LPP: variants seen among roughly 807,000 people sequenced by gnomAD.
LPP encodes lipoma-preferred partner.
LPP carries 38 observed loss-of-function variants against 60.4 expected under a neutral mutation model. The ratio of observed to expected loss-of-function variants is 0.63; its 90% CI spans 0.49 to 0.83. The LOEUF (loss-of-function observed/expected upper bound fraction) is 0.83. LPP is among the 40% of genes least tolerant of loss of function. The probability of loss-of-function intolerance (pLI) is 0.00; values close to 1 mark genes in which losing one functional copy is unlikely to be tolerated. For missense variants in LPP, 902 were observed against 783.6 expected (o/e 1.15, Z -1.80); for synonymous variants, 328 against 290.8 (o/e 1.13, Z -1.30).
chr3:188,812,660 T>C (rs1360140113), intron 9 of LPP, among the ~76,000 whole-genome samples: 2 of 152,164 alleles, frequency 1.3e-5, no homozygotes, highest in African/African-American at 4.8e-5. Flanking sequence ...TTTGTAGATG[T>C]AATTATTAAA....
At chr3:188,565,334 G>T (rs1182122809) in intron 6 of LPP, among the ~76,000 whole-genome samples, 1 of 151,938 alleles carries the variant, frequency 6.6e-6, no homozygotes, top group Non-Finnish European at 1.5e-5. Context: ...AAATATCTGA[G>T]GCTGGGACTT....
chr3:188,225,875 A>G (rs939260282), intron 2 of LPP, among the ~76,000 whole-genome samples: 1 of 152,250 alleles, frequency 6.6e-6, no homozygotes, highest in Non-Finnish European at 1.5e-5. Flanking sequence ...GAAAGTGTTC[A>G]TGAAATGGAA....
chr3:188,602,553 C>T (rs1369011746), intron 6 of LPP, among the ~76,000 whole-genome samples: 1 of 151,796 alleles, frequency 6.6e-6, no homozygotes, highest in East Asian at 1.9e-4. Flanking sequence ...AATAATGAGA[C>T]CAAGCTCTTC....
intron 1 of LPP, among the ~76,000 whole-genome samples, chr3:188,166,211 TC>T (rs1229588621): frequency 2.0e-5 from 3 of 152,054 alleles, no homozygotes; most frequent in African/African-American, 7.3e-5. Context: ...TAAATTTAAT[TC>T]CTGGGAAAAG....
chr3:188,389,808 CAAAAAAAAAAAGAA>C (rs1380901750), intron 3 of LPP, among the ~76,000 whole-genome samples: 1 of 132,080 alleles, frequency 7.6e-6, no homozygotes, highest in Admixed American at 7.8e-5. Context: ...GACTCCGTCT[CAAAAAAAAAAAGAA>C]AAGAAAAAAA....
chr3:188,757,956 T>C (rs1730939478), intron 8 of LPP, among the ~76,000 whole-genome samples: 1 of 150,938 alleles, frequency 6.6e-6, no homozygotes, highest in Non-Finnish European at 1.5e-5. Context: ...TTTGTTACTG[T>C]TGGCAGGAAA....
intron 3 of LPP, among the ~76,000 whole-genome samples, chr3:188,385,430 C>T (rs577128054): frequency 4.6e-5 from 7 of 152,082 alleles, no homozygotes; most frequent in African/African-American, 7.2e-5. Flanking sequence ...GGTGGATGGG[C>T]CCTGAGGGTT....
intron 7 of LPP, among the ~76,000 whole-genome samples, chr3:188,668,588 G>C (rs978856879): frequency 6.6e-6 from 1 of 152,108 alleles, no homozygotes; most frequent in Non-Finnish European, 1.5e-5. Context: ...AGGTATTTGA[G>C]CAGAAGAGGC....
intron 1 of LPP, among the ~76,000 whole-genome samples, chr3:188,181,025 T>G (rs567597750): frequency 6.6e-6 from 1 of 152,080 alleles, no homozygotes; most frequent in Non-Finnish European, 1.5e-5. Context: ...GAGAACATGT[T>G]GTCTCTGGAG....
intron 9 of LPP, among the ~76,000 whole-genome samples, chr3:188,766,481 CTAAT>C (rs1468813764): frequency 6.6e-6 from 1 of 151,800 alleles, no homozygotes; most frequent in Non-Finnish European, 1.5e-5. Context: ...ATATTACCCT[CTAAT>C]TAATGATCCT....
intron 3 of LPP, among the ~76,000 whole-genome samples, chr3:188,362,045 A>C (rs946514663): frequency 6.6e-6 from 1 of 152,192 alleles, no homozygotes; most frequent in African/African-American, 2.4e-5. Flanking sequence ...CGAAATGTAC[A>C]GTGCGACAAA....
chr3:188,292,453 G>C (rs1222564261), intron 2 of LPP, among the ~76,000 whole-genome samples: 1 of 152,218 alleles, frequency 6.6e-6, no homozygotes, highest in Admixed American at 6.5e-5. Context: ...TCTGATTGCA[G>C]AGTGCCTTTA....
chr3:188,757,841 G>A (rs142941128), intron 8 of LPP, among the ~76,000 whole-genome samples: 2 of 145,270 alleles, frequency 1.4e-5, no homozygotes, highest in East Asian at 2.0e-4. Context: ...TAGAATTTAA[G>A]CATGATTTTC....
chr3:188,374,009 G>A (rs545115018), intron 3 of LPP, among the ~76,000 whole-genome samples: 4 of 152,314 alleles, frequency 2.6e-5, no homozygotes, highest in Non-Finnish European at 4.4e-5. Flanking sequence ...TCAAAGATCA[G>A]ATAGTTGTAG....
intron 2 of LPP, among the ~76,000 whole-genome samples, chr3:188,326,434 A>G (rs1406071930): frequency 6.6e-6 from 1 of 152,224 alleles, no homozygotes; most frequent in Non-Finnish European, 1.5e-5. Flanking sequence ...CACTGAGTTC[A>G]ATTGCACTTT....
intron 6 of LPP, among the ~76,000 whole-genome samples, chr3:188,563,460 ATGTGTG>A (rs59514913): frequency 1.4e-5 from 2 of 141,938 alleles, no homozygotes; most frequent in Non-Finnish European, 3.0e-5. Flanking sequence ...TTACATATAT[ATGTGTG>A]TGTGTGTGTG....
rs560302761 is a variant in LPP at position 188,355,835 on chromosome 3, G to A, written c.-10+14116G>A. ...ATAATGTCTTTTGCTCAACACTCTC[G>A]TAGGCTCCTCACACTTTTTTCATGA... On this transcript the variant is annotated intron_variant, in intron 3 of 11. Coordinates refer to ENST00000617246, the MANE Select transcript of LPP (RefSeq NM_001375462.1). 6.6e-5 allele frequency among the ~76,000 whole-genome samples: 10 copies of A among 152,192 alleles called. No individual in the cohort carries two copies. In the South Asian group the frequency reaches 1.2e-3, roughly 19 times the overall value.
intron 2 of LPP, among the ~76,000 whole-genome samples, chr3:188,281,393 G>T (rs1472594123): frequency 1.3e-5 from 2 of 151,938 alleles, no homozygotes; most frequent in Non-Finnish European, 2.9e-5. Flanking sequence ...CTTGAGGTCA[G>T]GAGTTTGAGA....
At chr3:188,303,586 C>T (rs1384861292) in intron 2 of LPP, among the ~76,000 whole-genome samples, 3 of 151,660 alleles carry the variant, frequency 2.0e-5, no homozygotes, top group Admixed American at 2.0e-4. Flanking sequence ...TGAGCTGGAC[C>T]CTGAAGAATA....
Sources: allele counts gnomAD v4.1 joint callset (sites outside exome capture counted in the v4.1 genomes callset), GRCh38; gene constraint gnomAD v4.1.1; transcripts MANE v1.5; gene names NCBI Gene and HGNC (gene_info 2026-07-23, HGNC 2026-07-21).